The following LRRN2 variants were observed in gnomAD, a reference collection of about 807,000 sequenced individuals.
LRRN2 encodes leucine-rich repeat neuronal protein 2.
Under a neutral mutation model 35.7 loss-of-function variants are expected in LRRN2, and 10 were observed. That is an observed-to-expected ratio of 0.28 (90% CI 0.17 to 0.47). LRRN2 has a LOEUF of 0.47. Among genes scored for constraint, LRRN2 ranks in the 20% least tolerant of loss-of-function variants. The pLI, the probability that LRRN2 is intolerant of heterozygous loss-of-function variation, is 0.99. For missense variants in LRRN2, 731 were observed against 940.3 expected (o/e 0.78, Z 2.91); for synonymous variants, 391 against 409.6 (o/e 0.95, Z 0.55).
intron 1 of LRRN2, among the ~76,000 whole-genome samples, chr1:204,679,097 C>T (rs1276887138): frequency 6.6e-6 from 1 of 152,164 alleles, no homozygotes; most frequent in African/African-American, 2.4e-5. Context: ...CAGGTCCCCT[C>T]GCAATGTAGA....
chr1:204,632,879 A>G (rs1667744123), intron 1 of LRRN2, among the ~76,000 whole-genome samples: 1 of 151,478 alleles, frequency 6.6e-6, no homozygotes, highest in Non-Finnish European at 1.5e-5. Flanking sequence ...GCTTGCAGTG[A>G]GTCGAGACCA....
intron 1 of LRRN2, among the ~76,000 whole-genome samples, chr1:204,680,914 T>C (rs1425187805): frequency 6.6e-6 from 1 of 152,094 alleles, no homozygotes; most frequent in African/African-American, 2.4e-5. Flanking sequence ...TATCACATCA[T>C]TTGGCAACCC....
rs114608668 is a variant in LRRN2, at chr1:204,652,636, G to C, written c.-226-32418C>G. Reference sequence around the variant, plus strand: ...TAAATGGCAGCTATTTCTAATATGAGAGCTTGCACCTCCCATCCTGGATCC... The same window carrying C: ...TAAATGGCAGCTATTTCTAATATGACAGCTTGCACCTCCCATCCTGGATCC... On this transcript the variant is annotated intron_variant, in intron 1 of 1. Coordinates refer to ENST00000367177, the MANE Select transcript of LRRN2 (RefSeq NM_201630.2). Among the ~76,000 whole-genome samples, 433 of 152,178 alleles carry C rather than the reference G, an allele frequency of 2.8e-3. 2 individuals carry two copies. The highest frequency in any genetic ancestry group is 4.9e-3 in the Non-Finnish European group (332 of 68,002).
chr1:204,632,622 C>T (rs1667734106), intron 1 of LRRN2, among the ~76,000 whole-genome samples: 2 of 113,450 alleles, frequency 1.8e-5, no homozygotes, highest in Admixed American at 1.9e-4. Context: ...GAGTGAGACT[C>T]TGTCTCAAAA....
chr1:204,631,787 A>G (rs560555902), intron 1 of LRRN2, among the ~76,000 whole-genome samples: 1 of 152,216 alleles, frequency 6.6e-6, no homozygotes, highest in African/African-American at 2.4e-5. Flanking sequence ...AGATTCAAAC[A>G]TATGAAGTGA....
At chr1:204,654,901 T>C (rs1156446773) in intron 1 of LRRN2, among the ~76,000 whole-genome samples, 2 of 152,216 alleles carry the variant, frequency 1.3e-5, no homozygotes, top group African/African-American at 4.8e-5. Context: ...ACTTCCCTTC[T>C]TGCCACCCCC....
At chr1:204,663,487 C>T (rs1397697539) in intron 1 of LRRN2, among the ~76,000 whole-genome samples, 1 of 152,186 alleles carries the variant, frequency 6.6e-6, no homozygotes, top group Non-Finnish European at 1.5e-5. Context: ...CTTCTGTCTG[C>T]TTGTGCATGC....
At chr1:204,679,571 GT>G in intron 1 of LRRN2, among the ~76,000 whole-genome samples, 1 of 152,206 alleles carries the variant, frequency 6.6e-6, no homozygotes, top group Non-Finnish European at 1.5e-5. Flanking sequence ...CTTGTGAGAT[GT>G]TTGTAAATAG....
At chr1:204,625,641 C>T (rs558504239) in intron 1 of LRRN2, among the ~76,000 whole-genome samples, 45 of 152,296 alleles carry the variant, frequency 3.0e-4, no homozygotes, top group African/African-American at 1.0e-3. Flanking sequence ...GAGCTAACCA[C>T]GGTCCCGACT....
intron 1 of LRRN2, among the ~76,000 whole-genome samples, chr1:204,632,148 C>T (rs1029808892): frequency 1.3e-5 from 2 of 152,098 alleles, no homozygotes; most frequent in Non-Finnish European, 2.9e-5. Flanking sequence ...GTGAGAGAAT[C>T]GCTTGAGCCC....
At position 204,639,210 on chromosome 1, in the gene LRRN2, G is replaced by A. The variant is rs78036263; in HGVS notation, c.-226-18992C>T. On this transcript the variant is annotated intron_variant, in intron 1 of 1. Transcript: ENST00000367177. ...GTCCCCACTGAGCAAGGGGTGACAC[G>A]TCTTTTACTCTACAAAGATTCATTG... Among the ~76,000 whole-genome samples, 763 of 152,350 alleles carry A rather than the reference G, an allele frequency of 5.0e-3. 9 individuals carry two copies. The highest frequency in any genetic ancestry group is 0.018 in the African/African-American group (733 of 41,576).
rs377599771 is a variant in LRRN2 at position 204,630,464 on chromosome 1, C to T, written c.-226-10246G>A. Reference sequence around the variant, plus strand: ...AAAATCAGAATGAAAATTGATGAGGCGGAGAGAAAAAGAGACTCATTTCAT... The same window carrying T: ...AAAATCAGAATGAAAATTGATGAGGTGGAGAGAAAAAGAGACTCATTTCAT... On this transcript the variant is annotated intron_variant, in intron 1 of 1. Transcript: ENST00000367177. 1.9e-3 allele frequency among the ~76,000 whole-genome samples: 294 copies of T among 151,820 alleles called. 5 individuals carry two copies. In the South Asian group the frequency reaches 0.022, roughly 11 times the overall value.
chr1:204,674,046 C>T (rs1181286947), intron 1 of LRRN2, among the ~76,000 whole-genome samples: 1 of 152,094 alleles, frequency 6.6e-6, no homozygotes, highest in African/African-American at 2.4e-5. Context: ...CGGCTGTCAG[C>T]CCCCCATGCC....
At chr1:204,680,731 G>C (rs1490997564) in intron 1 of LRRN2, among the ~76,000 whole-genome samples, 2 of 152,026 alleles carry the variant, frequency 1.3e-5, no homozygotes, top group East Asian at 1.9e-4. Context: ...TGGAGAAAAA[G>C]AGGCTGAGAG....
intron 1 of LRRN2, chr1:204,629,419 T>C (rs1257736170): frequency 6.5e-6 from 1 of 152,868 alleles, no homozygotes; most frequent in African/African-American, 2.4e-5. Flanking sequence ...TACACTGATA[T>C]GGTTTGGCTG....
chr1:204,684,431 G>A (rs1669020727), intron 1 of LRRN2, among the ~76,000 whole-genome samples: 1 of 152,146 alleles, frequency 6.6e-6, no homozygotes, highest in African/African-American at 2.4e-5. Context: ...GGAAGGGTAG[G>A]GAGCACAGTG....
In LRRN2 at chr1:204,631,256, CTATATATATA is replaced by C. The variant is rs1162626713; in HGVS notation, c.-226-11048_-226-11039del. ...CAAGAAGAGTGATACCTAGAGTGTT[CTATATATATA>C]TATATATATATATATATATATATAT... is the stretch of plus-strand genomic sequence containing the variant. On this transcript the variant is annotated intron_variant, in intron 1 of 1. Transcript: ENST00000367177. Among the ~76,000 whole-genome samples, 95 of 36,910 alleles carry C rather than the reference CTATATATATA, an allele frequency of 2.6e-3. 1 individual carries two copies. The highest frequency in any genetic ancestry group is 0.014 in the Middle Eastern group (1 of 74). 24.2% of individuals were successfully genotyped at this position (36,910 alleles called of 152,430 possible). A position where few individuals can be genotyped will look rare whatever the true frequency, so the allele number is the denominator to read the frequency against.
chr1:204,665,842 TA>T, intron 1 of LRRN2, among the ~76,000 whole-genome samples: 1 of 152,274 alleles, frequency 6.6e-6, no homozygotes, highest in Non-Finnish European at 1.5e-5. Flanking sequence ...CCTCTGCAAT[TA>T]AACCTCCTGA....
intron 1 of LRRN2, among the ~76,000 whole-genome samples, chr1:204,650,054 C>G (rs1435266205): frequency 2.0e-5 from 3 of 152,244 alleles, no homozygotes; most frequent in Admixed American, 2.0e-4. Context: ...CTTCTTCCCT[C>G]CCTCTGTCCT....
Sources: allele counts gnomAD v4.1 joint callset (sites outside exome capture counted in the v4.1 genomes callset), GRCh38; gene constraint gnomAD v4.1.1; transcripts MANE v1.5; gene names NCBI Gene and HGNC (gene_info 2026-07-23, HGNC 2026-07-21).